The following ATP1B2 variants were observed in gnomAD, a reference collection of about 807,000 sequenced individuals.
The protein encoded by ATP1B2 is ATPase Na+/K+ transporting subunit beta 2, also known as sodium/potassium-transporting ATPase subunit beta-2.
Under a neutral mutation model 37.3 loss-of-function variants are expected in ATP1B2, and 12 were observed. The ratio of observed to expected loss-of-function variants is 0.32; its 90% CI spans 0.21 to 0.52. ATP1B2 has a LOEUF of 0.52. Ranked by LOEUF, ATP1B2 falls within the 20% of genes least tolerant of loss-of-function variation. The pLI, the probability that ATP1B2 is intolerant of heterozygous loss-of-function variation, is 0.96. For synonymous variants in ATP1B2, 139 were observed against 140.5 expected (o/e 0.99, Z 0.07); for missense variants, 324 against 391.6 (o/e 0.83, Z 1.46).
rs2072635713 is a variant in ATP1B2 at position 7,654,365 on chromosome 17, A to G, written c.552+108A>G. ...GCTAATGGGCATGAGAAAGACTTGGATGTTTGTGTAGCTGAGAGAAAAAGA... is the reference window on the plus strand; with the variant it reads ...GCTAATGGGCATGAGAAAGACTTGGGTGTTTGTGTAGCTGAGAGAAAAAGA... On this transcript the variant is annotated intron_variant, in intron 4 of 6. Coordinates refer to ENST00000250111, the MANE Select transcript of ATP1B2 (RefSeq NM_001678.5). This position sits in a 1 kb window ranked among gnomAD's most constrained non-coding sequence, Gnocchi z 4.9. 3.0e-6 allele frequency: 4 copies of G among 1,319,118 alleles called. No individual in the cohort carries two copies. The highest frequency in any genetic ancestry group is 4.3e-6 in the Non-Finnish European group (4 of 935,378). The allele number at this position is 1,319,118 out of a possible 1,614,324, so 81.7% of individuals were successfully genotyped here.
upstream of ATP1B2, among the ~76,000 whole-genome samples, chr17:7,648,567 CAAAAAAA>C (rs58333874): frequency 1.4e-5 from 1 of 69,708 alleles, no homozygotes; most frequent in African/African-American, 6.2e-5. Context: ...ACTCTGTCTC[CAAAAAAA>C]AAAAAAAAAA....
chr17:7,648,587 AAAAAAAAAAAAG>A (rs1376296558), upstream of ATP1B2, among the ~76,000 whole-genome samples: 1 of 149,258 alleles, frequency 6.7e-6, no homozygotes, highest in African/African-American at 2.4e-5. Context: ...AAAAAAAAAA[AAAAAAAAAAAAG>A]TTTATATTTT....
At position 7,655,306 on chromosome 17, in the gene ATP1B2, G is replaced by A. The variant is rs1295205053; in HGVS notation, c.610-221G>A. 5.1e-6 allele frequency: 3 copies of A among 590,398 alleles called. No individual in the cohort carries two copies. The highest frequency in any genetic ancestry group is 3.0e-6 in the Non-Finnish European group (1 of 332,328). 36.6% of individuals were successfully genotyped at this position (590,398 alleles called of 1,614,324 possible). ...GTAGGAGGCTTTCGTGCCATTAGCA[G>A]CCTTCAGGAGTTCCTAGAATGATGA... On this transcript the variant is annotated intron_variant, in intron 5 of 6. Transcript: ENST00000250111. This position sits in a 1 kb window ranked among gnomAD's most constrained non-coding sequence, Gnocchi z 4.4.
upstream of ATP1B2, among the ~76,000 whole-genome samples, chr17:7,650,244 G>A (rs2072601268): frequency 6.6e-6 from 1 of 152,154 alleles, no homozygotes; most frequent in South Asian, 2.1e-4. Context: ...GGGATCTCAG[G>A]GCAGTGCTGG....
chr17:7,651,221 G>C lies in ATP1B2; in HGVS notation c.-298G>C, dbSNP rs921328175. 4 of 371,178 alleles carry C rather than the reference G, an allele frequency of 1.1e-5. No individual in the cohort carries two copies. The highest frequency in any genetic ancestry group is 2.0e-5 in the Non-Finnish European group (4 of 200,056). 23.0% of individuals were successfully genotyped at this position (371,178 alleles called of 1,614,324 possible). On this transcript the variant is annotated 5_prime_UTR_variant, in exon 1 of 7. Transcript: ENST00000250111. ...GTTTTGTTTCTAGACGGTTTGGTGG[G>C]GGGTGAAGCTGCATTCATACCCCTT...
chr17:7,655,711 G>A lies in ATP1B2; in HGVS notation c.709-20G>A. The A allele has an allele frequency of 1.9e-6, 3 of 1,614,002 alleles. No individual in the cohort carries two copies. Among genetic ancestry groups the A allele is most frequent in the Non-Finnish European group, 1.7e-6 (2 of 1,179,952 alleles). ...CCGCGTTGCCCCAGGCCTAGACCCTGCACTGCTCCTCCGGCCCAGGTGAAC... is the reference window on the plus strand; with the variant it reads ...CCGCGTTGCCCCAGGCCTAGACCCTACACTGCTCCTCCGGCCCAGGTGAAC... On this transcript the variant is annotated intron_variant, in intron 6 of 6. Coordinates refer to ENST00000250111, the MANE Select transcript of ATP1B2 (RefSeq NM_001678.5). The surrounding 1 kb of genome is among the most constrained non-coding windows in gnomAD (Gnocchi z 4.4).
At chr17:7,652,079 A>AG (rs571068924) in intron 1 of ATP1B2, among the ~76,000 whole-genome samples, 181 of 151,230 alleles carry the variant, frequency 1.2e-3, no homozygotes, top group Non-Finnish European at 1.9e-3. Context: ...GGGGTGTGTT[A>AG]GGGGGGTTCT....
At position 7,655,937 on chromosome 17, in the gene ATP1B2, T is replaced by C; in HGVS notation, c.*42T>C. On this transcript the variant is annotated 3_prime_UTR_variant, in exon 7 of 7. Coordinates refer to ENST00000250111, the MANE Select transcript of ATP1B2 (RefSeq NM_001678.5). The surrounding 1 kb of genome is among the most constrained non-coding windows in gnomAD (Gnocchi z 4.4). ...CCCATCTCTCTCCTGTGGATGCTCC[T>C]GGAATGTCCCTGACCCTGCCTGATC... The C allele has an allele frequency of 6.2e-7, 1 of 1,609,150 alleles. No homozygotes were observed. The highest frequency in any genetic ancestry group is 8.5e-7 in the Non-Finnish European group (1 of 1,177,262).
Position 7,651,231 on chromosome 17 carries a change from T to A in ATP1B2, c.-288T>A, listed in dbSNP as rs1468812915. On this transcript the variant is annotated 5_prime_UTR_variant, in exon 1 of 7. Transcript: ENST00000250111. The stretch of plus-strand genomic sequence containing the variant: ...TAGACGGTTTGGTGGGGGGTGAAGC[T>A]GCATTCATACCCCTTCCTCTTGTTA... 4 of 398,134 alleles carry A rather than the reference T, an allele frequency of 1.0e-5. No homozygotes were observed. In the East Asian group the frequency reaches 1.7e-4, roughly 17 times the overall value. 24.7% of individuals were successfully genotyped at this position (398,134 alleles called of 1,614,324 possible).
rs529965829 is a variant in ATP1B2, at chr17:7,655,281, G to C, written c.610-246G>C. On this transcript the variant is annotated intron_variant, in intron 5 of 6. Coordinates refer to ENST00000250111, the MANE Select transcript of ATP1B2 (RefSeq NM_001678.5). The surrounding 1 kb of genome is among the most constrained non-coding windows in gnomAD (Gnocchi z 4.4). Reference sequence around the variant, plus strand: ...GGTAAGAACTTGGGGTAGGAGTGGAGTAGGAGGCTTTCGTGCCATTAGCAG... The same window carrying C: ...GGTAAGAACTTGGGGTAGGAGTGGACTAGGAGGCTTTCGTGCCATTAGCAG... The C allele has an allele frequency of 3.5e-6, 2 of 571,752 alleles. No homozygotes were observed. The highest frequency in any genetic ancestry group is 4.2e-5 in the South Asian group (2 of 47,406). The allele number at this position is 571,752 out of a possible 1,614,324, so 35.4% of individuals were successfully genotyped here.
Position 7,655,740 on chromosome 17 carries a change from A to G in ATP1B2, c.718A>G (p.Thr240Ala). The G allele has an allele frequency of 6.2e-7, 1 of 1,614,146 alleles. No homozygotes were observed. The highest frequency in any genetic ancestry group is 1.6e-4 in the Middle Eastern group (1 of 6,062). ...TGCTCCTCCGGCCCAGGTGAACTACACACAGCCCCTGGTGGCTGTGAAGTT... is the reference window on the plus strand; with the variant it reads ...TGCTCCTCCGGCCCAGGTGAACTACGCACAGCCCCTGGTGGCTGTGAAGTT... ...YYGKKFHVNY[T>A]QPLVAVKFLN... The change falls in exon 7 of 7, where the codon ACA (threonine) becomes GCA (alanine). Residue 240 changes from threonine to alanine, a missense_variant. Physicochemically the swap from Thr to Ala is moderately conservative, Grantham distance 58. Transcript: ENST00000250111. This position sits in a 1 kb window ranked among gnomAD's most constrained non-coding sequence, Gnocchi z 4.4.
chr17:7,651,432 T>C lies in ATP1B2; in HGVS notation c.-87T>C, dbSNP rs2072611527. The C allele has an allele frequency of 8.2e-7, 1 of 1,221,248 alleles. No homozygotes were observed. Among genetic ancestry groups the C allele is most frequent in the East Asian group, 2.6e-5 (1 of 38,666 alleles). The allele number at this position is 1,221,248 out of a possible 1,614,324, so 75.7% of individuals were successfully genotyped here. A position where few individuals can be genotyped will look rare whatever the true frequency, so the allele number is the denominator to read the frequency against. ...CGCGCCGCCTTCGCTCCCCGTGCTT[T>C]TGGGTGTGTGGAGGGCTTCAGCGCG... is the stretch of plus-strand genomic sequence containing the variant. On this transcript the variant is annotated 5_prime_UTR_variant, in exon 1 of 7. Transcript: ENST00000250111.
At position 7,655,716 on chromosome 17, in the gene ATP1B2, G is replaced by A. The variant is rs1357563420; in HGVS notation, c.709-15G>A. The A allele has an allele frequency of 6.2e-7, 1 of 1,613,894 alleles. No homozygotes were observed. Among genetic ancestry groups the A allele is most frequent in the Non-Finnish European group, 8.5e-7 (1 of 1,179,962 alleles). ...TTGCCCCAGGCCTAGACCCTGCACTGCTCCTCCGGCCCAGGTGAACTACAC... is the reference window on the plus strand; with the variant it reads ...TTGCCCCAGGCCTAGACCCTGCACTACTCCTCCGGCCCAGGTGAACTACAC... On this transcript the variant is annotated splice_polypyrimidine_tract_variant and intron_variant, in intron 6 of 6. Coordinates refer to ENST00000250111, the MANE Select transcript of ATP1B2 (RefSeq NM_001678.5). This position sits in a 1 kb window ranked among gnomAD's most constrained non-coding sequence, Gnocchi z 4.4.
upstream of ATP1B2, among the ~76,000 whole-genome samples, chr17:7,650,058 G>A (rs546363611): frequency 9.8e-5 from 15 of 152,286 alleles, no homozygotes; most frequent in South Asian, 2.1e-4. Context: ...TGTGAGCCCC[G>A]TGAGAGATGT....
chr17:7,653,452 A>G lies in ATP1B2; in HGVS notation c.191A>G (p.Gln64Arg). The change falls in exon 2 of 7, where the codon CAG becomes CGG. Residue 64 changes from glutamine to arginine, a missense_variant. Transcript: ENST00000250111. Reference sequence around the variant, plus strand: ...ACCCTCACCATGTGGGTGATGCTGCAGACTGTCTCCGACCATACCCCCAAG... The same window carrying G: ...ACCCTCACCATGTGGGTGATGCTGCGGACTGTCTCCGACCATACCCCCAAG... The part of the protein sequence containing the change: ...MFTLTMWVML[Q>R]TVSDHTPKYQ... The G allele has an allele frequency of 6.2e-7, 1 of 1,614,048 alleles. No homozygotes were observed. Among genetic ancestry groups the G allele is most frequent in the Non-Finnish European group, 8.5e-7 (1 of 1,180,006 alleles).
At chr17:7,653,095 T>C (rs1227986984) in intron 1 of ATP1B2, among the ~76,000 whole-genome samples, 3 of 152,030 alleles carry the variant, frequency 2.0e-5, no homozygotes, top group Non-Finnish European at 4.4e-5. Context: ...GGTTGAGAAG[T>C]TGGAAATGTA....
chr17:7,648,660 A>C (rs1442552555), upstream of ATP1B2, among the ~76,000 whole-genome samples: 1 of 150,352 alleles, frequency 6.7e-6, no homozygotes, highest in Non-Finnish European at 1.5e-5. Flanking sequence ...GGGTCCCTGC[A>C]TTTCCATTTT....
At chr17:7,647,119 A>G (rs531217152), upstream of ATP1B2, among the ~76,000 whole-genome samples, 708 of 150,378 alleles carry the variant, frequency 4.7e-3, 12 homozygotes, top group African/African-American at 0.016. Flanking sequence ...AAAAAAAAAA[A>G]AGAGTAAGTG....
At position 7,654,339 on chromosome 17, in the gene ATP1B2, G is replaced by C. The variant is rs1307757670; in HGVS notation, c.552+82G>C. On this transcript the variant is annotated intron_variant, in intron 4 of 6. Coordinates refer to ENST00000250111, the MANE Select transcript of ATP1B2 (RefSeq NM_001678.5). This position sits in a 1 kb window ranked among gnomAD's most constrained non-coding sequence, Gnocchi z 4.9. ...GCAGACAATTGCATCCTTTCACTGG[G>C]GCTAATGGGCATGAGAAAGACTTGG... is the stretch of plus-strand genomic sequence containing the variant. The C allele has an allele frequency of 6.9e-6, 10 of 1,459,690 alleles. No individual in the cohort carries two copies. The East Asian group carries it at 2.0e-4, about 30-fold the overall frequency. 90.4% of individuals were successfully genotyped at this position (1,459,690 alleles called of 1,614,324 possible).
Sources: gnomAD v4.1 joint callset for allele counts (sites outside exome capture counted in the v4.1 genomes callset) on GRCh38, gnomAD v4.1.1 for gene constraint, Gnocchi (gnomAD v3.1) non-coding constraint, MANE v1.5 for transcripts, NCBI Gene and HGNC (gene_info 2026-07-23, HGNC 2026-07-21) for gene names.